TTC19: variants seen among roughly 807,000 people sequenced by gnomAD.
The protein encoded by TTC19 is tetratricopeptide repeat protein 19, mitochondrial.
In TTC19, 38 loss-of-function variants were observed where a neutral mutation model predicts 49.5. The observed-to-expected ratio is 0.77, with a 90% CI of 0.59 to 1.01. TTC19 has a LOEUF of 1.01. Among genes scored for constraint, TTC19 ranks in the 50% least tolerant of loss-of-function variants. The pLI is 0.00. For synonymous variants in TTC19, 204 were observed against 185.2 expected, an observed-to-expected ratio of 1.10 and a Z score of -0.83; for missense variants, 475 against 477.7, an observed-to-expected ratio of 0.99 and a Z score of 0.05.
At chr17:16,039,108 TA>T (rs2057062163) in intron 2 of TTC19, 1 of 225,704 alleles carries the variant, frequency 4.4e-6, no homozygotes. Context: ...TTTTTACAGT[TA>T]AATCACTTTT....
intron 2 of TTC19, among the ~76,000 whole-genome samples, chr17:16,041,942 T>C (rs1276723006): frequency 6.6e-6 from 1 of 151,954 alleles, no homozygotes; most frequent in East Asian, 1.9e-4. Context: ...TTCACCGTGT[T>C]AGCCAGGATG....
chr17:16,000,381 A>T (rs185011810), intron 2 of TTC19, 136 bp downstream of exon 2: 805 of 1,512,616 alleles, frequency 5.3e-4, no homozygotes, highest in Non-Finnish European at 6.6e-4. Flanking sequence ...GCCGAGAATG[A>T]GGTGGGTCAT....
intron 9 of TTC19, 59 bp downstream of exon 9, chr17:16,026,761 T>TA (rs1971575051): frequency 2.5e-6 from 4 of 1,586,764 alleles, no homozygotes; most frequent in Non-Finnish European, 8.7e-7. Context: ...ACTGGATTGA[T>TA]AGATTTGTGA....
intron 6 of TTC19, among the ~76,000 whole-genome samples, chr17:16,005,252 T>C (rs1366348868): frequency 2.0e-5 from 3 of 152,084 alleles, no homozygotes; most frequent in Non-Finnish European, 2.9e-5. Context: ...AAGGCTGATA[T>C]AGGTTATGAG....
intron 6 of TTC19, among the ~76,000 whole-genome samples, chr17:16,005,287 T>G (rs1435595147): frequency 1.3e-5 from 2 of 152,250 alleles, no homozygotes; most frequent in Non-Finnish European, 2.9e-5. Flanking sequence ...GACCTCTTGC[T>G]CCGACTGGGA....
At chr17:16,016,798 TC>T (rs1971230210) in intron 7 of TTC19, among the ~76,000 whole-genome samples, 1 of 152,164 alleles carries the variant, frequency 6.6e-6, no homozygotes, top group African/African-American at 2.4e-5. Flanking sequence ...CCTCAGGTGA[TC>T]CGCCTGCCTC....
exon 3 of TTC19, chr17:16,044,960 A>C: frequency 1.7e-6 from 1 of 577,126 alleles, no homozygotes; most frequent in Non-Finnish European, 3.1e-6. Flanking sequence ...TGTTTTGACT[A>C]AATTTCTTAT....
At chr17:16,002,981 G>A (rs1970787602) in intron 4 of TTC19, 150 bp downstream of exon 4, 2 of 812,720 alleles carry the variant, frequency 2.5e-6, no homozygotes, top group Admixed American at 2.2e-5. Flanking sequence ...TCTTTATTGT[G>A]TTAGTCCAGA....
chr17:16,020,282 T>C (rs1971332629), intron 7 of TTC19, among the ~76,000 whole-genome samples: 2 of 152,260 alleles, frequency 1.3e-5, no homozygotes, highest in Non-Finnish European at 2.9e-5. Flanking sequence ...GTGTTTCTGA[T>C]TACTGTATTT....
intron 7 of TTC19, among the ~76,000 whole-genome samples, chr17:16,020,735 C>T (rs953006979): frequency 1.8e-4 from 28 of 152,196 alleles, no homozygotes; most frequent in African/African-American, 5.5e-4. Context: ...TGCAGTGACA[C>T]GATCACAGCT....
intron 2 of TTC19, among the ~76,000 whole-genome samples, chr17:16,041,858 C>T (rs1010679625): frequency 8.6e-5 from 13 of 151,962 alleles, no homozygotes; most frequent in Admixed American, 2.6e-4. Context: ...TGCCTCAGCC[C>T]CCCGAGTGGC....
chr17:16,004,066 A>G (rs1970822588), intron 5 of TTC19, 135 bp from the exon 6 acceptor site: 7 of 1,122,486 alleles, frequency 6.2e-6, no homozygotes, highest in Non-Finnish European at 9.5e-6. Context: ...TTGCCAAGGA[A>G]TTCACAGTTG....
chr17:16,029,255 GTC>G lies in TTC19; in HGVS notation c.*1737_*1738del, dbSNP rs1971744598. Reference sequence around the variant, plus strand: ...GGAAACACTAGGAGTTTTCAGGACAGTCTCTTCATGTGGGTGTTTTCATTACA... The same window carrying G: ...GGAAACACTAGGAGTTTTCAGGACAGTCTTCATGTGGGTGTTTTCATTACA... On this transcript the variant is annotated 3_prime_UTR_variant, in exon 10 of 10. Transcript: ENST00000261647. The G allele has an allele frequency of 2.0e-5, 9 of 453,850 alleles. No individual in the cohort carries two copies. Among genetic ancestry groups the G allele is most frequent in the South Asian group, 1.4e-4 (9 of 64,376 alleles). The allele number at this position is 453,850 out of a possible 1,614,324, so 28.1% of individuals were successfully genotyped here.
chr17:16,032,107 TG>T, downstream of TTC19: 1 of 577,948 alleles, frequency 1.7e-6, no homozygotes, highest in South Asian at 2.7e-5. Flanking sequence ...GGCAGTTTTT[TG>T]TTTGTTTTTT....
intron 2 of TTC19, among the ~76,000 whole-genome samples, chr17:16,044,017 A>G (rs1221793916): frequency 6.6e-6 from 1 of 152,060 alleles, no homozygotes; most frequent in Non-Finnish European, 1.5e-5. Flanking sequence ...TAAAAATACA[A>G]AATTAGCCGG....
chr17:16,035,502 T>C (rs1389927100), intron 2 of TTC19, among the ~76,000 whole-genome samples: 2 of 151,762 alleles, frequency 1.3e-5, no homozygotes, highest in Non-Finnish European at 2.9e-5. Flanking sequence ...CAGTTACATC[T>C]TCAGGCTCCA....
chr17:16,002,777 T>C lies in TTC19; in HGVS notation c.424-16T>C, dbSNP rs767953499. ...CAGTATTCTAAACTGAAAAACAATT[T>C]GTAATTTGCTTTCAGATGGCCAACT... On this transcript the variant is annotated splice_polypyrimidine_tract_variant and intron_variant, in intron 3 of 9. Coordinates refer to ENST00000261647, the MANE Select transcript of TTC19 (RefSeq NM_017775.4). The C allele has an allele frequency of 1.2e-6, 2 of 1,613,582 alleles. No homozygotes were observed. The highest frequency in any genetic ancestry group is 1.1e-5 in the South Asian group (1 of 91,066).
At chr17:16,014,365 G>A (rs1971156248) in intron 7 of TTC19, among the ~76,000 whole-genome samples, 1 of 152,232 alleles carries the variant, frequency 6.6e-6, no homozygotes, top group Non-Finnish European at 1.5e-5. Flanking sequence ...GGACAAAGCA[G>A]CTGCTCTGCT....
intron 2 of TTC19, chr17:16,000,460 C>T (rs1970690404): frequency 6.6e-6 from 9 of 1,356,620 alleles, no homozygotes; most frequent in Non-Finnish European, 8.7e-6. Context: ...TCTGCAGTGT[C>T]AAGTGCAAAT....
Sources: allele counts gnomAD v4.1 joint callset (sites outside exome capture counted in the v4.1 genomes callset), GRCh38; gene constraint gnomAD v4.1.1; transcripts MANE v1.5; gene names NCBI Gene and HGNC (gene_info 2026-07-23, HGNC 2026-07-21).